CDC42EP4: variants seen among roughly 807,000 people sequenced by gnomAD.
CDC42EP4 encodes the protein CDC42 effector protein 4.
CDC42EP4 carries 6 observed loss-of-function variants against 5.6 expected under a neutral mutation model. The observed-to-expected ratio is 1.07, with a 90% CI of 0.59 to 2.12. The LOEUF (loss-of-function observed/expected upper bound fraction) is 2.12, where lower values mean the gene tolerates loss of function less well. Among genes scored for constraint, CDC42EP4 ranks in the 30% most tolerant of loss-of-function variants. The probability of loss-of-function intolerance (pLI) is 0.00; values close to 1 mark genes in which losing one functional copy is unlikely to be tolerated. For missense variants in CDC42EP4, 490 were observed against 508.6 expected, an observed-to-expected ratio of 0.96 and a Z score of 0.35; for synonymous variants, 230 against 224.2, an observed-to-expected ratio of 1.03 and a Z score of -0.23.
At chr17:73,292,724 A>T (rs2062167361) in intron 1 of CDC42EP4, among the ~76,000 whole-genome samples, 1 of 152,216 alleles carries the variant, frequency 6.6e-6, no homozygotes, top group African/African-American at 2.4e-5. Flanking sequence ...GGCGCGTGCA[A>T]ACGCCGGGGT....
intron 1 of CDC42EP4, among the ~76,000 whole-genome samples, chr17:73,308,307 G>GCTACGAC (rs969109093): frequency 1.7e-4 from 26 of 152,302 alleles, no homozygotes; most frequent in African/African-American, 5.3e-4. Flanking sequence ...GGTCAGAAGA[G>GCTACGAC]CTACGCAGAG....
At chr17:73,303,122 T>A (rs1599440647) in intron 1 of CDC42EP4, among the ~76,000 whole-genome samples, 1 of 147,402 alleles carries the variant, frequency 6.8e-6, no homozygotes, top group African/African-American at 2.5e-5. Flanking sequence ...GGCGGGCGGA[T>A]CACCTGAGGT....
intron 1 of CDC42EP4, among the ~76,000 whole-genome samples, chr17:73,306,459 C>T (rs1291065518): frequency 1.3e-5 from 2 of 152,124 alleles, no homozygotes; most frequent in Non-Finnish European, 2.9e-5. Context: ...GTGATTGCAC[C>T]ACTGCACTCC....
intron 1 of CDC42EP4, among the ~76,000 whole-genome samples, chr17:73,301,942 G>A (rs150928695): frequency 0.11 from 16,772 of 151,800 alleles, 1,024 homozygotes; most frequent in East Asian, 0.21. Flanking sequence ...CACCCACCTC[G>A]GCCTCCCAAA....
At position 73,304,521 on chromosome 17, in the gene CDC42EP4, A is replaced by G. The variant is rs73996154; in HGVS notation, c.-113+7372T>C. Reference sequence around the variant, plus strand: ...GAGTTATCACTATCATCCCCAGCTCACAGATAAGAGCACCGAGACTTAGAG... The same window carrying G: ...GAGTTATCACTATCATCCCCAGCTCGCAGATAAGAGCACCGAGACTTAGAG... On this transcript the variant is annotated intron_variant, in intron 1 of 1. Coordinates refer to ENST00000335793, the MANE Select transcript of CDC42EP4 (RefSeq NM_012121.5). Among the ~76,000 whole-genome samples, 1,349 of 152,012 alleles carry G rather than the reference A, an allele frequency of 8.9e-3. 20 individuals are homozygous for G. Among genetic ancestry groups the G allele is most frequent in the African/African-American group, 0.03 (1,236 of 41,450 alleles).
intron 1 of CDC42EP4, among the ~76,000 whole-genome samples, chr17:73,296,345 G>C (rs923290021): frequency 1.3e-5 from 2 of 151,144 alleles, no homozygotes; most frequent in African/African-American, 4.9e-5. Context: ...TTGAACCTGG[G>C]AGGCAGAGGT....
chr17:73,289,740 A>AGGAAGGGAGGGAGGAAGGGAGGGAGGGC (rs2062151602), intron 1 of CDC42EP4, among the ~76,000 whole-genome samples: 1 of 90,444 alleles, frequency 1.1e-5, no homozygotes, highest in African/African-American at 4.4e-5. Flanking sequence ...GGAGGGAGGG[A>AGGAAGGGAGGGAGGAAGGGAGGGAGGGC]GGAAGGGAGG....
At chr17:73,297,815 C>T (rs937394532) in intron 1 of CDC42EP4, among the ~76,000 whole-genome samples, 2 of 151,812 alleles carry the variant, frequency 1.3e-5, no homozygotes, top group Admixed American at 6.6e-5. Flanking sequence ...CACACCATGA[C>T]GGCCAGTTAA....
chr17:73,306,488 A>G (rs1043393655), intron 1 of CDC42EP4, among the ~76,000 whole-genome samples: 4 of 152,186 alleles, frequency 2.6e-5, no homozygotes, highest in African/African-American at 2.4e-5. Context: ...CAACACAGCA[A>G]AAAGCCTGTC....
Position 73,286,054 on chromosome 17 carries a change from G to A in CDC42EP4, c.447C>T (p.Asp149=), listed in dbSNP as rs760231149. ...CCGCCTCCTCATCGCCGCCCTCCCC[G>A]TCATTGGCCTTCTTCACGGGGCTGG... ...LSSSPVKKAN[D]GEGGDEEAGT... The change falls in exon 2 of 2, where the codon GAC becomes GAT. Residue 149 remains aspartate (D), a synonymous_variant. Transcript: ENST00000335793. The surrounding 1 kb of genome is among the most constrained non-coding windows in gnomAD (Gnocchi z 7.7). 2.4e-5 allele frequency: 38 copies of A among 1,613,788 alleles called. No homozygotes were observed. Among genetic ancestry groups the A allele is most frequent in the Middle Eastern group, 1.6e-4 (1 of 6,082 alleles).
intron 1 of CDC42EP4, among the ~76,000 whole-genome samples, chr17:73,297,778 CCTCCCAAGTAG>C (rs2062196301): frequency 6.6e-6 from 1 of 151,948 alleles, no homozygotes; most frequent in Admixed American, 6.6e-5. Context: ...CCTGCCTCAG[CCTCCCAAGTAG>C]CTGGGATTAC....
intron 1 of CDC42EP4, among the ~76,000 whole-genome samples, chr17:73,290,739 G>A (rs555926165): frequency 2.6e-5 from 4 of 152,340 alleles, no homozygotes; most frequent in South Asian, 4.1e-4. Flanking sequence ...AGAACCGGGT[G>A]AGAACATGGC....
intron 1 of CDC42EP4, among the ~76,000 whole-genome samples, chr17:73,297,695 A>G (rs1019399086): frequency 3.3e-5 from 5 of 151,910 alleles, no homozygotes; most frequent in East Asian, 1.9e-4. Flanking sequence ...GTTTTGCTCT[A>G]TCGCCCAGGC....
intron 1 of CDC42EP4, among the ~76,000 whole-genome samples, chr17:73,289,915 GAAAAGA>G (rs1459951299): frequency 4.6e-5 from 7 of 152,186 alleles, no homozygotes; most frequent in East Asian, 3.9e-4. Context: ...AGCAGCAGAA[GAAAAGA>G]AAAAGAAAAA....
At chr17:73,297,455 T>A (rs142415101) in intron 1 of CDC42EP4, among the ~76,000 whole-genome samples, 1 of 151,706 alleles carries the variant, frequency 6.6e-6, no homozygotes, top group Admixed American at 6.6e-5. Context: ...GCTTGGGCAA[T>A]AGAGTGAGAC....
In CDC42EP4 at chr17:73,286,607, A is replaced by G. The variant is rs2062136270; in HGVS notation, c.-107T>C. 2 of 759,584 alleles carry G rather than the reference A, an allele frequency of 2.6e-6. No individual in the cohort carries two copies. The highest frequency in any genetic ancestry group is 1.9e-5 in the South Asian group (1 of 53,758). 47.1% of individuals were successfully genotyped at this position (759,584 alleles called of 1,614,324 possible). A position where few individuals can be genotyped will look rare whatever the true frequency, so the allele number is the denominator to read the frequency against. On this transcript the variant is annotated 5_prime_UTR_variant, in exon 2 of 2. The change abolishes an upstream ATG in the 5' untranslated region. Transcript: ENST00000335793. The surrounding 1 kb of genome is among the most constrained non-coding windows in gnomAD (Gnocchi z 7.7). ...CAGAGGGGGACGCAATGAGGAGATC[A>G]TAAGGCTGCAAGCAGAGAATGAGAG... is the stretch of plus-strand genomic sequence containing the variant.
intron 1 of CDC42EP4, among the ~76,000 whole-genome samples, chr17:73,287,143 C>T (rs1197534513): frequency 6.6e-6 from 1 of 152,224 alleles, no homozygotes; most frequent in Non-Finnish European, 1.5e-5. Flanking sequence ...ACAGGACGGG[C>T]TCAGGGAGAC....
chr17:73,284,594 C>T lies in CDC42EP4; in HGVS notation c.*836G>A, dbSNP rs2062119983. 6.6e-6 allele frequency: 1 copy of T among 152,114 alleles called. No individual in the cohort carries two copies. The highest frequency in any genetic ancestry group is 2.4e-5 in the African/African-American group (1 of 41,426). The allele number at this position is 152,114 out of a possible 1,614,324, so 9.4% of individuals were successfully genotyped here. A position where few individuals can be genotyped will look rare whatever the true frequency, so the allele number is the denominator to read the frequency against. ...GCCACTGTGAATTTTGAAGAGGAGG[C>T]TTAGTATAAAGGTTTTCTAAAAGGA... On this transcript the variant is annotated 3_prime_UTR_variant, in exon 2 of 2. Coordinates refer to ENST00000335793, the MANE Select transcript of CDC42EP4 (RefSeq NM_012121.5).
intron 1 of CDC42EP4, among the ~76,000 whole-genome samples, chr17:73,309,499 C>G (rs112945912): frequency 6.6e-6 from 1 of 152,040 alleles, no homozygotes; most frequent in African/African-American, 2.4e-5. Flanking sequence ...GAGGTGCTGT[C>G]GGGTTCCAGA....
Sources: gnomAD v4.1 joint callset for allele counts (sites outside exome capture counted in the v4.1 genomes callset) on GRCh38, gnomAD v4.1.1 for gene constraint, Gnocchi (gnomAD v3.1) non-coding constraint, MANE v1.5 for transcripts, NCBI Gene and HGNC (gene_info 2026-07-23, HGNC 2026-07-21) for gene names.